RIMS1: variants seen among roughly 807,000 people sequenced by gnomAD.
RIMS1 encodes regulating synaptic membrane exocytosis 1.
A neutral mutation model predicts 214.1 loss-of-function variants in RIMS1; 83 were observed. The ratio of observed to expected loss-of-function variants is 0.39; its 90% CI spans 0.32 to 0.47. The LOEUF (loss-of-function observed/expected upper bound fraction) is 0.47. Ranked by LOEUF, RIMS1 falls within the 20% of genes least tolerant of loss-of-function variation. The pLI is 0.99. For synonymous variants in RIMS1, 793 were observed against 786.8 expected (o/e 1.01, Z -0.13); for missense variants, 2,050 against 2,161.8 (o/e 0.95, Z 1.03).
At chr6:72,222,316 A>G (rs2058714220) in intron 6 of RIMS1, among the ~76,000 whole-genome samples, 1 of 152,096 alleles carries the variant, frequency 6.6e-6, no homozygotes, top group Non-Finnish European at 1.5e-5. Flanking sequence ...CTTAAAAGAC[A>G]TTGATTTAAG....
chr6:72,005,355 C>G (rs1484900384), intron 2 of RIMS1, among the ~76,000 whole-genome samples: 17 of 152,142 alleles, frequency 1.1e-4, no homozygotes. Context: ...GCGATGCGGG[C>G]TCTTTTTTGG....
chr6:71,940,422 TG>T (rs1280316162), intron 1 of RIMS1, among the ~76,000 whole-genome samples: 1 of 152,110 alleles, frequency 6.6e-6, no homozygotes, highest in Non-Finnish European at 1.5e-5. Flanking sequence ...GTTGCATGGA[TG>T]GAAGAGTGAA....
chr6:72,099,641 G>C (rs972813623), intron 3 of RIMS1, among the ~76,000 whole-genome samples: 1 of 151,950 alleles, frequency 6.6e-6, no homozygotes, highest in Non-Finnish European at 1.5e-5. Flanking sequence ...ATAATAGGTA[G>C]ACTACATGTG....
intron 4 of RIMS1, among the ~76,000 whole-genome samples, chr6:72,163,053 A>G (rs557951988): frequency 7.4e-6 from 1 of 134,672 alleles, no homozygotes; most frequent in East Asian, 2.0e-4. Context: ...GTCTTTTCAC[A>G]TAGTCCCATA....
intron 4 of RIMS1, among the ~76,000 whole-genome samples, chr6:72,116,677 C>T (rs1166412107): frequency 4.6e-5 from 7 of 151,898 alleles, no homozygotes; most frequent in Non-Finnish European, 1.0e-4. Flanking sequence ...GTCTTTATGC[C>T]TCTATATAGC....
At position 71,898,539 on chromosome 6, in the gene RIMS1, G is replaced by A. The variant is rs572267559; in HGVS notation, c.164+11352G>A. On this transcript the variant is annotated intron_variant, in intron 1 of 33. Coordinates refer to ENST00000521978, the MANE Select transcript of RIMS1 (RefSeq NM_014989.7). ...CACTGACTTTTGCATTTCAGAATTAGGCTGAGTTGAGGTGTGAGTGGGAAC... is the reference window on the plus strand; with the variant it reads ...CACTGACTTTTGCATTTCAGAATTAAGCTGAGTTGAGGTGTGAGTGGGAAC... Among the ~76,000 whole-genome samples, 4 of 152,210 alleles carry A rather than the reference G, an allele frequency of 2.6e-5. No homozygotes were observed. The East Asian group carries it at 5.8e-4, about 22-fold the overall frequency.
intron 29 of RIMS1, among the ~76,000 whole-genome samples, chr6:72,390,125 C>T (rs1377754119): frequency 6.6e-6 from 1 of 152,198 alleles, no homozygotes; most frequent in Admixed American, 6.5e-5. Flanking sequence ...ATGAGGATTG[C>T]TGATACGTGA....
At chr6:72,112,253 C>T (rs911345094) in intron 4 of RIMS1, among the ~76,000 whole-genome samples, 3 of 152,108 alleles carry the variant, frequency 2.0e-5, no homozygotes, top group African/African-American at 7.2e-5. Flanking sequence ...CCAAACTGGT[C>T]CAAGACACCA....
At chr6:71,991,233 T>C (rs1399155702) in intron 2 of RIMS1, among the ~76,000 whole-genome samples, 1 of 152,166 alleles carries the variant, frequency 6.6e-6, no homozygotes, top group Non-Finnish European at 1.5e-5. Flanking sequence ...AAATTGCCTC[T>C]GGACTATATG....
At chr6:72,306,226 AT>A (rs1403125901) in intron 26 of RIMS1, among the ~76,000 whole-genome samples, 1 of 151,810 alleles carries the variant, frequency 6.6e-6, no homozygotes, top group Non-Finnish European at 1.5e-5. Context: ...CCAATAAGCA[AT>A]TTTCCATACA....
intron 1 of RIMS1, among the ~76,000 whole-genome samples, chr6:71,900,575 A>G (rs966001773): frequency 6.6e-6 from 1 of 152,100 alleles, no homozygotes; most frequent in Non-Finnish European, 1.5e-5. Flanking sequence ...TTTGGTGGTG[A>G]TGGCAAAATG....
intron 2 of RIMS1, among the ~76,000 whole-genome samples, chr6:72,078,994 G>C (rs1832610182): frequency 6.6e-6 from 1 of 152,062 alleles, no homozygotes; most frequent in Non-Finnish European, 1.5e-5. Flanking sequence ...AACTTCCTAA[G>C]AAAAGGTGGA....
At chr6:72,242,241 TA>T in intron 9 of RIMS1, 72 bp from the exon 10 acceptor site, 1 of 1,240,028 alleles carries the variant, frequency 8.1e-7, no homozygotes. Flanking sequence ...ATTTCTTTGT[TA>T]AAAAAGAGAA....
At chr6:72,259,190 A>T (rs1048431757) in intron 18 of RIMS1, 79 bp downstream of exon 18, 2 of 1,188,902 alleles carry the variant, frequency 1.7e-6, no homozygotes, top group African/African-American at 3.0e-5. Context: ...GGCATAGCAC[A>T]TTAGAGAGTA....
intron 1 of RIMS1, among the ~76,000 whole-genome samples, chr6:71,930,526 A>T (rs1769092285): frequency 6.6e-6 from 1 of 152,016 alleles, no homozygotes; most frequent in Non-Finnish European, 1.5e-5. Context: ...TTTATAGATG[A>T]AAACTGAAGC....
chr6:72,095,289 G>T (rs2031160131), intron 2 of RIMS1, among the ~76,000 whole-genome samples: 2 of 151,978 alleles, frequency 1.3e-5, no homozygotes, highest in Non-Finnish European at 2.9e-5. Context: ...TTCTTTAGTG[G>T]AAGAAGTAAG....
At chr6:72,248,696 T>G (rs2071474246) in intron 12 of RIMS1, among the ~76,000 whole-genome samples, 1 of 152,150 alleles carries the variant, frequency 6.6e-6, no homozygotes, top group Non-Finnish European at 1.5e-5. Context: ...GAAAATGTGA[T>G]GTTGATATTA....
chr6:71,953,538 T>G (rs1031929027), intron 1 of RIMS1, among the ~76,000 whole-genome samples: 1 of 152,174 alleles, frequency 6.6e-6, no homozygotes, highest in Non-Finnish European at 1.5e-5. Context: ...GAGAAGTAGA[T>G]CCATTGATGT....
intron 4 of RIMS1, among the ~76,000 whole-genome samples, chr6:72,114,014 A>G (rs1004318008): frequency 1.3e-5 from 2 of 152,076 alleles, no homozygotes; most frequent in Non-Finnish European, 2.9e-5. Context: ...CAAATATCAA[A>G]TGAACATTAA....
Sources: gnomAD v4.1 joint callset for allele counts (sites outside exome capture counted in the v4.1 genomes callset) on GRCh38, gnomAD v4.1.1 for gene constraint, MANE v1.5 for transcripts, NCBI Gene and HGNC (gene_info 2026-07-23, HGNC 2026-07-21) for gene names.